The following FBXW11 variants were observed in gnomAD, a reference collection of about 807,000 sequenced individuals.
FBXW11 encodes F-box and WD repeat domain containing 11.
In FBXW11, 19 loss-of-function variants were observed where a neutral mutation model predicts 77.6. The ratio of observed to expected loss-of-function variants is 0.24; its 90% confidence interval spans 0.17 to 0.36. The LOEUF (loss-of-function observed/expected upper bound fraction) is 0.36. Ranked by LOEUF, FBXW11 falls within the 10% of genes least tolerant of loss-of-function variation. The pLI is 1.00. For missense variants in FBXW11, 334 were observed against 704.2 expected (o/e 0.47, Z 5.95); for synonymous variants, 235 against 249.4 (o/e 0.94, Z 0.54).
chr5:171,961,313 C>T (rs990034943), intron 1 of FBXW11, among the ~76,000 whole-genome samples: 3 of 152,140 alleles, frequency 2.0e-5, no homozygotes, highest in Non-Finnish European at 2.9e-5. Context: ...AGTTTCAAGA[C>T]GAGTGTTGTT....
At chr5:171,909,948 T>A (rs945540553) in intron 4 of FBXW11, among the ~76,000 whole-genome samples, 5 of 151,982 alleles carry the variant, frequency 3.3e-5, no homozygotes, top group African/African-American at 4.8e-5. Flanking sequence ...CCAGTTTTTT[T>A]AAAATTACAT....
chr5:171,903,280 G>A (rs950816986), intron 4 of FBXW11, among the ~76,000 whole-genome samples: 1 of 151,888 alleles, frequency 6.6e-6, no homozygotes, highest in Non-Finnish European at 1.5e-5. Flanking sequence ...TTTATCATTT[G>A]TAGAGATGAG....
rs183562158 is a variant in FBXW11 at position 171,888,541 on chromosome 5, A to G, written c.852+2926T>C. Among the ~76,000 whole-genome samples the G allele has an allele frequency of 3.5e-3, 527 of 152,378 alleles. 3 individuals are homozygous for G. Among genetic ancestry groups the G allele is most frequent in the African/African-American group, 0.012 (506 of 41,592 alleles). On this transcript the variant is annotated intron_variant, in intron 7 of 13. Transcript: ENST00000517395. ...TGTCAAGACAGAACTTGTGTTCTGA[A>G]CCCAACTAAGTTGACTAACTGCTTA...
chr5:171,875,576 A>T lies in FBXW11; in HGVS notation c.1221+709T>A, dbSNP rs530923067. On this transcript the variant is annotated intron_variant, in intron 9 of 13. Transcript: ENST00000517395. ...TAAAGGCCACGGAATTACACCCTTTAAAATGTTCAATCTTATGGCATGGAA... is the reference window on the plus strand; with the variant it reads ...TAAAGGCCACGGAATTACACCCTTTTAAATGTTCAATCTTATGGCATGGAA... 2.6e-5 allele frequency among the ~76,000 whole-genome samples: 4 copies of T among 152,356 alleles called. No individual in the cohort carries two copies. In the South Asian group the frequency reaches 8.3e-4, roughly 32 times the overall value.
At position 171,869,690 on chromosome 5, in the gene FBXW11, A is replaced by T. The variant is rs1757635290; in HGVS notation, c.1530+39T>A. The stretch of plus-strand genomic sequence containing the variant: ...GACTATCTGCAAATGGTCATCCTCC[A>T]GCACAGGGAACCAATTCCCGTCTCA... On this transcript the variant is annotated intron_variant, in intron 12 of 13. Coordinates refer to ENST00000517395, the MANE Select transcript of FBXW11 (RefSeq NM_001378974.1). This position sits in a 1 kb window ranked among gnomAD's most constrained non-coding sequence, Gnocchi z 4.1. 1 of 1,532,524 alleles carries T rather than the reference A, an allele frequency of 6.5e-7. No individual in the cohort carries two copies. Among genetic ancestry groups the T allele is most frequent in the African/African-American group, 1.4e-5 (1 of 72,604 alleles). 94.9% of individuals were successfully genotyped at this position (1,532,524 alleles called of 1,614,324 possible).
At chr5:171,984,369 T>C (rs1343565031) in intron 1 of FBXW11, among the ~76,000 whole-genome samples, 3 of 152,240 alleles carry the variant, frequency 2.0e-5, no homozygotes, top group Non-Finnish European at 4.4e-5. Context: ...TCTCTGTTTA[T>C]CCTCCAAAGC....
chr5:171,899,954 T>C lies in FBXW11; in HGVS notation c.583A>G (p.Thr195Ala). Residue 195 changes from threonine to alanine, a missense_variant, in exon 5 of 14, where the codon ACT (threonine) becomes GCT (alanine). This residue lies in a region of FBXW11 where 56 missense variants were observed against 144.9 expected (regional missense o/e 0.39). Coordinates refer to ENST00000517395, the MANE Select transcript of FBXW11 (RefSeq NM_001378974.1). ...WKKLIERMVRTDPLWKGLSER... is the reference protein window; with the variant it reads ...WKKLIERMVRADPLWKGLSER... ...GAAAGTCCTTTCCATAGGGGATCAG[T>C]GCGTACCATTCGTTCAATCAGCTTC... 6.2e-7 allele frequency: 1 copy of C among 1,613,726 alleles called. No individual in the cohort carries two copies. Among genetic ancestry groups the C allele is most frequent in the Non-Finnish European group, 8.5e-7 (1 of 1,179,736 alleles).
Position 171,960,739 on chromosome 5 carries a change from G to A in FBXW11, c.46-3041C>T, listed in dbSNP as rs566455810. ...ATTAGAAAAACAATGATATTATCAA[G>A]GCTTTTTAACCATTTAATGATTTAA... On this transcript the variant is annotated intron_variant, in intron 1 of 13. Transcript: ENST00000517395. Among the ~76,000 whole-genome samples the A allele has an allele frequency of 3.3e-5, 5 of 152,244 alleles. No homozygotes were observed. In the East Asian group the frequency reaches 5.8e-4, roughly 18 times the overall value.
chr5:171,937,837 C>CAAAAAAAAAAAAAAAAAGA (rs893848306), intron 2 of FBXW11, among the ~76,000 whole-genome samples: 1 of 57,784 alleles, frequency 1.7e-5, no homozygotes, highest in African/African-American at 4.9e-5. Context: ...CAAAAAAAAG[C>CAAAAAAAAAAAAAAAAAGA]AAAAAAAAAA....
chr5:171,980,905 T>C (rs1765105944), intron 1 of FBXW11, among the ~76,000 whole-genome samples: 1 of 152,262 alleles, frequency 6.6e-6, no homozygotes, highest in Admixed American at 6.5e-5. Flanking sequence ...GGAGCATCTT[T>C]TGTTATTCAA....
At chr5:171,900,849 G>A (rs960512834) in intron 4 of FBXW11, among the ~76,000 whole-genome samples, 1 of 152,052 alleles carries the variant, frequency 6.6e-6, no homozygotes, top group Admixed American at 6.6e-5. Flanking sequence ...CACGATACAA[G>A]GATACTCTCA....
At chr5:171,952,770 C>G (rs1051186594) in intron 2 of FBXW11, among the ~76,000 whole-genome samples, 9 of 151,772 alleles carry the variant, frequency 5.9e-5, no homozygotes, top group African/African-American at 2.2e-4. Context: ...TTTTTTAGAG[C>G]AAACCCGTGG....
At chr5:171,951,934 C>T (rs1166004767) in intron 2 of FBXW11, among the ~76,000 whole-genome samples, 1 of 152,056 alleles carries the variant, frequency 6.6e-6, no homozygotes, top group East Asian at 1.9e-4. Context: ...GAAAACTGTT[C>T]AAGATTAAGT....
intron 2 of FBXW11, among the ~76,000 whole-genome samples, chr5:171,941,318 A>C (rs929655106): frequency 1.3e-5 from 2 of 152,326 alleles, no homozygotes; most frequent in Admixed American, 1.3e-4. Flanking sequence ...AAAGTGACAG[A>C]CTATGAAACA....
chr5:171,996,790 T>C, intron 1 of FBXW11: 1 of 838,234 alleles, frequency 1.2e-6, no homozygotes, highest in Non-Finnish European at 1.6e-6. Context: ...TTTCTCCCTT[T>C]CCCTATTAAT....
At chr5:171,926,284 C>A (rs954926787) in intron 2 of FBXW11, among the ~76,000 whole-genome samples, 1 of 152,144 alleles carries the variant, frequency 6.6e-6, no homozygotes, top group African/African-American at 2.4e-5. Context: ...GTGCCTATGT[C>A]CTCATCCACA....
chr5:171,871,335 T>A (rs1757740721), intron 10 of FBXW11, among the ~76,000 whole-genome samples: 1 of 151,858 alleles, frequency 6.6e-6, no homozygotes, highest in South Asian at 2.1e-4. Context: ...AGCCAGGGGG[T>A]TAAGCTTCCG....
chr5:171,929,777 G>C (rs1489663161), intron 2 of FBXW11, among the ~76,000 whole-genome samples: 1 of 151,820 alleles, frequency 6.6e-6, no homozygotes, highest in East Asian at 2.0e-4. Context: ...GCATGAACCC[G>C]GGAGGCGGAG....
intron 6 of FBXW11, among the ~76,000 whole-genome samples, chr5:171,893,438 A>AAAAAAAAAC (rs1759515365): frequency 1.4e-5 from 2 of 146,530 alleles, no homozygotes; most frequent in Admixed American, 6.8e-5. Flanking sequence ...AAAAAAAAAA[A>AAAAAAAAAC]AAAAAAAAAC....
Sources: allele counts gnomAD v4.1 joint callset (sites outside exome capture counted in the v4.1 genomes callset), GRCh38; gene constraint gnomAD v4.1.1; regional missense constraint gnomAD v4.1.1; non-coding constraint Gnocchi (gnomAD v3.1); transcripts MANE v1.5; gene names NCBI Gene and HGNC (gene_info 2026-07-23, HGNC 2026-07-21).